The following ANKFN1 variants were observed in gnomAD, a reference collection of about 807,000 sequenced individuals.
The protein encoded by ANKFN1 is ankyrin repeat and fibronectin type III domain containing 1.
In ANKFN1, 74 loss-of-function variants were observed where a neutral mutation model predicts 108.7. The observed-to-expected ratio is 0.68, with a 90% CI of 0.56 to 0.83. ANKFN1 has a LOEUF of 0.83. Ranked by LOEUF, ANKFN1 falls within the 40% of genes least tolerant of loss-of-function variation. The pLI is 0.00. For missense variants in ANKFN1, 1,505 were observed against 1,382.3 expected (o/e 1.09, Z -1.41); for synonymous variants, 547 against 516.2 (o/e 1.06, Z -0.81).
chr17:56,465,549 T>C (rs2050045623), intron 14 of ANKFN1, among the ~76,000 whole-genome samples: 2 of 152,202 alleles, frequency 1.3e-5, no homozygotes, highest in South Asian at 4.1e-4. Flanking sequence ...TCTAGGATGA[T>C]TTATAATGTT....
In ANKFN1 at chr17:56,510,746, T is replaced by C. The variant is rs1355299062; in HGVS notation, c.2918T>C (p.Leu973Pro). Reference protein sequence around the residue: ...DHSCAEFLHSLTLTGFTPKNH... With the variant: ...DHSCAEFLHSPTLTGFTPKNH... The stretch of plus-strand genomic sequence containing the variant: ...TCATGTGCCGAGTTTCTCCATAGCC[T>C]GACCCTCACGGGGTTCACACCCAAG... Residue 973 changes from leucine (L) to proline (P), a missense_variant, in exon 21 of 21, where the codon CTG becomes CCG. Coordinates refer to ENST00000682825, the MANE Select transcript of ANKFN1 (RefSeq NM_001370326.1). 7 of 1,536,116 alleles carry C rather than the reference T, an allele frequency of 4.6e-6. No individual in the cohort carries two copies. The highest frequency in any genetic ancestry group is 3.9e-5 in the Admixed American group (2 of 51,004).
intron 4 of ANKFN1, among the ~76,000 whole-genome samples, chr17:56,102,156 A>G (rs72829713): frequency 0.036 from 5,514 of 152,286 alleles, 114 homozygotes; most frequent in Middle Eastern, 0.082. Context: ...AACTCATTGT[A>G]AAGAGTTTTT....
In ANKFN1 at chr17:56,511,898, T is replaced by A. The variant is rs902067498; in HGVS notation, c.*629T>A. On this transcript the variant is annotated 3_prime_UTR_variant, in exon 21 of 21. Coordinates refer to ENST00000682825, the MANE Select transcript of ANKFN1 (RefSeq NM_001370326.1). ...AAATAGGCCTTGACAGGCCTTTTTT[T>A]CTTCGTATAGTGCTGTGTGGAGACC... Among the ~76,000 whole-genome samples the A allele has an allele frequency of 3.3e-5, 5 of 152,172 alleles. No homozygotes were observed. The highest frequency in any genetic ancestry group is 1.2e-4 in the African/African-American group (5 of 41,446).
intron 18 of ANKFN1, chr17:56,482,765 A>T (rs2050752738): frequency 2.6e-6 from 1 of 379,052 alleles, no homozygotes; most frequent in African/African-American, 2.1e-5. Context: ...TTCTAAACAG[A>T]AAGTTCAGTT....
chr17:56,143,614 T>C (rs1908058010), intron 4 of ANKFN1, among the ~76,000 whole-genome samples: 2 of 152,216 alleles, frequency 1.3e-5, no homozygotes, highest in Non-Finnish European at 2.9e-5. Context: ...ACTTTATGAA[T>C]GTGACCTGAT....
intron 2 of ANKFN1, among the ~76,000 whole-genome samples, chr17:56,225,936 C>A (rs1199203798): frequency 2.0e-5 from 3 of 152,188 alleles, no homozygotes; most frequent in Non-Finnish European, 4.4e-5. Flanking sequence ...AAGTAATAGA[C>A]AGATAATTTT....
At chr17:56,109,647 T>C (rs990758413) in intron 4 of ANKFN1, among the ~76,000 whole-genome samples, 2 of 152,182 alleles carry the variant, frequency 1.3e-5, no homozygotes, top group Non-Finnish European at 2.9e-5. Context: ...GAAAATGACA[T>C]ACTTGCTTTT....
intron 2 of ANKFN1, among the ~76,000 whole-genome samples, chr17:56,227,655 G>T (rs1274572032): frequency 6.6e-6 from 1 of 152,120 alleles, no homozygotes; most frequent in Non-Finnish European, 1.5e-5. Flanking sequence ...TGAGCATCAA[G>T]TAGTCTTGAA....
At chr17:56,219,703 T>C (rs146828314) in intron 2 of ANKFN1, among the ~76,000 whole-genome samples, 43 of 152,330 alleles carry the variant, frequency 2.8e-4, no homozygotes, top group Non-Finnish European at 5.0e-4. Context: ...AATCTGGGAT[T>C]GGCATGGAAA....
At position 56,062,573 on chromosome 17, in the gene ANKFN1, T is replaced by TTTTTTTTTTTTTTTTTTTTC. The variant is rs1555589520; in HGVS notation, c.288+16248_288+16249insTTTTTTTTTTTTTTTTTTTC. ...TGTAATCTCTGCTTTTTTTTTTTTTTCTTTCCATTTGCTTGGTAAATTTTC... is the reference window on the plus strand; with the variant it reads ...TGTAATCTCTGCTTTTTTTTTTTTTTTTTTTTTTTTTTTTTTTTTCCTTTCCATTTGCTTGGTAAATTTTC... On this transcript the variant is annotated intron_variant, in intron 4 of 12. Coordinates refer to the ANKFN1 transcript ENST00000635860. Among the ~76,000 whole-genome samples, 122 of 145,132 alleles carry TTTTTTTTTTTTTTTTTTTTC rather than the reference T, an allele frequency of 8.4e-4. 3 individuals carry two copies. Among genetic ancestry groups the TTTTTTTTTTTTTTTTTTTTC allele is most frequent in the African/African-American group, 3.4e-3 (120 of 35,236 alleles).
At chr17:56,259,666 G>C (rs2043454134) in intron 3 of ANKFN1, among the ~76,000 whole-genome samples, 2 of 152,096 alleles carry the variant, frequency 1.3e-5, no homozygotes, top group Non-Finnish European at 2.9e-5. Flanking sequence ...ACAGAGGATG[G>C]AGAAAAAGGA....
intron 4 of ANKFN1, among the ~76,000 whole-genome samples, chr17:56,131,384 G>A (rs921812737): frequency 4.6e-5 from 7 of 152,160 alleles, no homozygotes. Context: ...GGAGATCTGA[G>A]GACTGTCTAA....
At chr17:56,368,054 C>T in intron 6 of ANKFN1, 4 of 540,634 alleles carry the variant, frequency 7.4e-6, no homozygotes, top group Non-Finnish European at 1.1e-5. Flanking sequence ...TTGAAAATAG[C>T]CCCATTCTGC....
chr17:56,267,433 A>C (rs2043681451), intron 3 of ANKFN1, among the ~76,000 whole-genome samples: 2 of 152,128 alleles, frequency 1.3e-5, no homozygotes, highest in Admixed American at 6.5e-5. Context: ...CCCAGTCGTC[A>C]ATTTTAGTTT....
chr17:56,427,768 C>T (rs2048616901), intron 8 of ANKFN1, among the ~76,000 whole-genome samples: 1 of 152,106 alleles, frequency 6.6e-6, no homozygotes, highest in Admixed American at 6.5e-5. Flanking sequence ...ATTACTTTCT[C>T]CCCATATGGA....
chr17:56,292,133 G>A (rs1041352584), intron 3 of ANKFN1, among the ~76,000 whole-genome samples: 1 of 152,112 alleles, frequency 6.6e-6, no homozygotes, highest in African/African-American at 2.4e-5. Context: ...TGCCTCCCTC[G>A]TTTTCCTTTT....
chr17:56,258,405 G>T (rs1357293038), intron 3 of ANKFN1: 2 of 152,198 alleles, frequency 1.3e-5, no homozygotes, highest in East Asian at 1.9e-4. Context: ...TGTCAATTTT[G>T]CTTTCACATT....
At chr17:56,332,506 T>TATGG (rs1316246493) in intron 4 of ANKFN1, among the ~76,000 whole-genome samples, 1 of 152,214 alleles carries the variant, frequency 6.6e-6, no homozygotes, top group East Asian at 1.9e-4. Context: ...CATTTTTCAG[T>TATGG]ATGGATATAC....
chr17:56,321,060 T>C (rs1014049935), intron 3 of ANKFN1, among the ~76,000 whole-genome samples: 3 of 132,958 alleles, frequency 2.3e-5, no homozygotes, highest in African/African-American at 9.1e-5. Context: ...ATCTTTTCTT[T>C]AGGAAAAAAA....
Sources: gnomAD v4.1 joint callset for allele counts (sites outside exome capture counted in the v4.1 genomes callset) on GRCh38, gnomAD v4.1.1 for gene constraint, MANE v1.5 for transcripts, NCBI Gene and HGNC (gene_info 2026-07-23, HGNC 2026-07-21) for gene names.